Variants in KIF26B observed in about 807,000 individuals in gnomAD.
KIF26B encodes kinesin-like protein KIF26B.
In KIF26B, 63 loss-of-function variants were observed where a neutral mutation model predicts 151.2. The ratio of observed to expected loss-of-function variants is 0.42; its 90% CI spans 0.34 to 0.51. KIF26B has a LOEUF of 0.51. KIF26B is among the 20% of genes least tolerant of loss of function. KIF26B has a pLI of 0.07. For synonymous variants in KIF26B, 1,357 were observed against 1,262.1 expected, an observed-to-expected ratio of 1.08 and a Z score of -1.59; for missense variants, 2,813 against 2,913.6, an observed-to-expected ratio of 0.97 and a Z score of 0.79.
At chr1:245,477,401 C>A (rs1204048913) in intron 4 of KIF26B, among the ~76,000 whole-genome samples, 1 of 151,624 alleles carries the variant, frequency 6.6e-6, no homozygotes, top group African/African-American at 2.4e-5. Context: ...CAGCTTAGAT[C>A]CTGGTGGGGG....
intron 2 of KIF26B, among the ~76,000 whole-genome samples, chr1:245,164,588 C>G (rs1668585121): frequency 6.6e-6 from 1 of 152,176 alleles, no homozygotes; most frequent in Non-Finnish European, 1.5e-5. Context: ...ATGCGTGCCC[C>G]CTACATATGG....
At chr1:245,449,063 G>C (rs1659317372) in intron 4 of KIF26B, among the ~76,000 whole-genome samples, 1 of 152,198 alleles carries the variant, frequency 6.6e-6, no homozygotes, top group Admixed American at 6.5e-5. Context: ...GATTTATTCT[G>C]TGTTGCGGCT....
At chr1:245,477,757 C>T (rs545059066) in intron 4 of KIF26B, among the ~76,000 whole-genome samples, 1 of 151,686 alleles carries the variant, frequency 6.6e-6, no homozygotes, top group Non-Finnish European at 1.5e-5. Context: ...GGAAAAGAGA[C>T]CGAATGGTAG....
intron 10 of KIF26B, among the ~76,000 whole-genome samples, chr1:245,662,620 ACAC>A (rs2044164963): frequency 4.3e-5 from 4 of 92,760 alleles, no homozygotes; most frequent in African/African-American, 8.7e-5. Flanking sequence ...CAATATATAT[ACAC>A]ACCCAGTGAT....
At chr1:245,440,809 C>T (rs970292722) in intron 4 of KIF26B, among the ~76,000 whole-genome samples, 2 of 152,110 alleles carry the variant, frequency 1.3e-5, no homozygotes, top group Non-Finnish European at 2.9e-5. Flanking sequence ...TGAAAGTGGG[C>T]GAGGATCTAG....
At chr1:245,697,069 C>T (rs1010153075) in intron 12 of KIF26B, among the ~76,000 whole-genome samples, 1 of 152,142 alleles carries the variant, frequency 6.6e-6, no homozygotes, top group African/African-American at 2.4e-5. Context: ...TGAGATCACA[C>T]CACTGCACTC....
intron 2 of KIF26B, among the ~76,000 whole-genome samples, chr1:245,299,433 A>G (rs891979008): frequency 3.4e-5 from 5 of 149,000 alleles, no homozygotes; most frequent in African/African-American, 1.2e-4. Context: ...CTGACCTTCT[A>G]CTATCAGATG....
At chr1:245,603,644 C>T (rs543464923) in intron 6 of KIF26B, among the ~76,000 whole-genome samples, 2 of 152,254 alleles carry the variant, frequency 1.3e-5, no homozygotes, top group Admixed American at 6.5e-5. Flanking sequence ...CATTGTCGGT[C>T]GTCATCCAGC....
At position 245,685,423 on chromosome 1, in the gene KIF26B, G is replaced by A. The variant is rs866362325; in HGVS notation, c.2440G>A (p.Gly814Ser). ...KKTKYTSSSS[G>S]GESSCEEGRM... ...CTCACAGTACACATCCAGCTCGTCC[G>A]GCGGGGAGAGCTCCTGCGAAGAAGG... Residue 814 changes from glycine (G) to serine (S), a missense_variant, in exon 12 of 15, where the codon GGC (glycine) becomes AGC (serine). Physicochemically the swap from Gly to Ser is moderately conservative, Grantham distance 56. This residue lies in a region of KIF26B where 2,060 missense variants were observed against 2,088.6 expected (regional missense o/e 0.99). Transcript: ENST00000407071. 6.2e-6 allele frequency: 10 copies of A among 1,612,204 alleles called. No individual in the cohort carries two copies. The highest frequency in any genetic ancestry group is 8.5e-6 in the Non-Finnish European group (10 of 1,178,898).
rs12753078 is a variant in KIF26B at position 245,597,229 on chromosome 1, G to A, written c.1351-5348G>A. On this transcript the variant is annotated intron_variant, in intron 5 of 14. Transcript: ENST00000407071. This position sits in a 1 kb window ranked among gnomAD's most constrained non-coding sequence, Gnocchi z 4.6. ...ATGCAGTTTTTTCATAGCATGAATG[G>A]TCTTTACAATTTGGTATCTTTGTGC... Among the ~76,000 whole-genome samples the A allele has an allele frequency of 0.23, 34,397 of 152,114 alleles. 4,653 individuals are homozygous for A. The highest frequency in any genetic ancestry group is 0.34 in the East Asian group (1,765 of 5,160).
intron 8 of KIF26B, among the ~76,000 whole-genome samples, chr1:245,610,196 G>T (rs2043503953): frequency 6.6e-6 from 1 of 152,198 alleles, no homozygotes; most frequent in Non-Finnish European, 1.5e-5. Context: ...TCCTTTTGTA[G>T]ATAGGTGTTC....
chr1:245,171,504 A>C (rs1462772176), intron 2 of KIF26B, among the ~76,000 whole-genome samples: 4 of 152,172 alleles, frequency 2.6e-5, no homozygotes, highest in Non-Finnish European at 4.4e-5. Flanking sequence ...AGATCGCGCC[A>C]TTGCACTCCA....
intron 5 of KIF26B, among the ~76,000 whole-genome samples, chr1:245,582,624 C>T (rs547007608): frequency 6.6e-6 from 1 of 152,060 alleles, no homozygotes; most frequent in Non-Finnish European, 1.5e-5. Flanking sequence ...TGGGCTTGAT[C>T]GAGAGGATTT....
At chr1:245,258,616 C>T (rs985989190) in intron 2 of KIF26B, among the ~76,000 whole-genome samples, 11 of 152,190 alleles carry the variant, frequency 7.2e-5, no homozygotes, top group African/African-American at 9.6e-5. Flanking sequence ...CCAAATTCCA[C>T]CTGCTCTGCG....
chr1:245,623,031 T>G (rs1478647982), intron 9 of KIF26B, among the ~76,000 whole-genome samples: 6 of 118,096 alleles, frequency 5.1e-5, no homozygotes, highest in Admixed American at 9.6e-5. Context: ...AGCAAGTTTT[T>G]TTTTTTTTTT....
chr1:245,257,743 C>T (rs150728940), intron 2 of KIF26B, among the ~76,000 whole-genome samples: 10 of 152,192 alleles, frequency 6.6e-5, no homozygotes, highest in East Asian at 3.9e-4. Flanking sequence ...TTGGTCAGGC[C>T]GGGTGCAGTG....
chr1:245,645,706 G>C (rs184251086), intron 9 of KIF26B, among the ~76,000 whole-genome samples: 2 of 152,108 alleles, frequency 1.3e-5, no homozygotes, highest in African/African-American at 4.8e-5. Flanking sequence ...TCTGTATAAC[G>C]ATCAACCAAA....
chr1:245,169,330 T>TGTGTGGGTGGGTGG (rs1553330289), intron 2 of KIF26B, among the ~76,000 whole-genome samples: 1 of 142,332 alleles, frequency 7.0e-6, no homozygotes, highest in African/African-American at 2.9e-5. Flanking sequence ...CGGGCCATGG[T>TGTGTGGGTGGGTGG]GTGTGTGTGT....
chr1:245,441,006 C>G (rs1659065924), intron 4 of KIF26B, among the ~76,000 whole-genome samples: 1 of 152,206 alleles, frequency 6.6e-6, no homozygotes, highest in Non-Finnish European at 1.5e-5. Context: ...GGAGGCAAGA[C>G]AGGAAGGTAT....
Sources: allele counts gnomAD v4.1 joint callset (sites outside exome capture counted in the v4.1 genomes callset), GRCh38; gene constraint gnomAD v4.1.1; regional missense constraint gnomAD v4.1.1; non-coding constraint Gnocchi (gnomAD v3.1); transcripts MANE v1.5; gene names NCBI Gene and HGNC (gene_info 2026-07-23, HGNC 2026-07-21).